The following PLEKHG1 variants were observed in gnomAD, a reference collection of about 807,000 sequenced individuals.
The protein encoded by PLEKHG1 is pleckstrin homology and RhoGEF domain containing G1, also known as pleckstrin homology domain-containing family G member 1.
Under a neutral mutation model 100.8 loss-of-function variants are expected in PLEKHG1, and 44 were observed. The ratio of observed to expected loss-of-function variants is 0.44; its 90% CI spans 0.34 to 0.56. The LOEUF (loss-of-function observed/expected upper bound fraction) is 0.56, where lower values mean the gene tolerates loss of function less well. PLEKHG1 is among the 20% of genes least tolerant of loss of function. The pLI is 0.01. For missense variants in PLEKHG1, 1,545 were observed against 1,720.9 expected, an observed-to-expected ratio of 0.90 and a Z score of 1.81; for synonymous variants, 640 against 662.5, an observed-to-expected ratio of 0.97 and a Z score of 0.52.
At chr6:150,724,564 T>TC (rs1781867266) in intron 1 of PLEKHG1, among the ~76,000 whole-genome samples, 1 of 146,390 alleles carries the variant, frequency 6.8e-6, no homozygotes. Flanking sequence ...TTTTCTTTTT[T>TC]TTTTTTTTTT....
intron 4 of PLEKHG1, among the ~76,000 whole-genome samples, chr6:150,787,252 A>G (rs1227722622): frequency 2.0e-5 from 3 of 152,158 alleles, no homozygotes; most frequent in Non-Finnish European, 4.4e-5. Context: ...GTACTCTTCC[A>G]CTGTTTTCTT....
chr6:150,747,311 T>C (rs1288079859), intron 2 of PLEKHG1, among the ~76,000 whole-genome samples: 2 of 152,338 alleles, frequency 1.3e-5, no homozygotes, highest in South Asian at 2.1e-4. Flanking sequence ...ACTGATCACA[T>C]TGAAGATTTA....
intron 2 of PLEKHG1, among the ~76,000 whole-genome samples, chr6:150,647,264 A>G (rs1010180053): frequency 6.6e-6 from 1 of 152,214 alleles, no homozygotes; most frequent in Admixed American, 6.5e-5. Flanking sequence ...TTTGTCCTGC[A>G]TATAAAAAGC....
chr6:150,608,764 G>T (rs1776705725), intron 1 of PLEKHG1, among the ~76,000 whole-genome samples: 1 of 152,194 alleles, frequency 6.6e-6, no homozygotes, highest in South Asian at 2.1e-4. Context: ...GTTTTTCTAA[G>T]ATCTGAATAC....
chr6:150,653,614 G>A (rs779720779), intron 3 of PLEKHG1, among the ~76,000 whole-genome samples: 2 of 152,096 alleles, frequency 1.3e-5, no homozygotes, highest in African/African-American at 2.4e-5. Context: ...AGCTGGACGT[G>A]GTGGTGAGCT....
intron 15 of PLEKHG1, among the ~76,000 whole-genome samples, chr6:150,834,983 C>A (rs909471040): frequency 1.3e-5 from 2 of 152,010 alleles, no homozygotes; most frequent in African/African-American, 4.8e-5. Flanking sequence ...CACAGGACGT[C>A]GTAATCGAAT....
intron 15 of PLEKHG1, among the ~76,000 whole-genome samples, chr6:150,837,590 A>G (rs1374426083): frequency 6.6e-6 from 1 of 152,252 alleles, no homozygotes; most frequent in Non-Finnish European, 1.5e-5. Flanking sequence ...AACCTTGTAG[A>G]AGTTCAGAGC....
intron 1 of PLEKHG1, among the ~76,000 whole-genome samples, chr6:150,610,183 C>T (rs925339487): frequency 6.6e-6 from 1 of 152,206 alleles, no homozygotes; most frequent in Non-Finnish European, 1.5e-5. Context: ...CTCACTGCAA[C>T]GTCTGCCTCC....
intron 1 of PLEKHG1, among the ~76,000 whole-genome samples, chr6:150,615,754 A>C (rs1777050932): frequency 1.3e-5 from 2 of 152,100 alleles, no homozygotes; most frequent in African/African-American, 4.8e-5. Flanking sequence ...AGAGGGGAGG[A>C]GGTGGTTAGG....
intron 1 of PLEKHG1, among the ~76,000 whole-genome samples, chr6:150,628,785 C>G (rs985389436): frequency 1.3e-5 from 2 of 152,064 alleles, no homozygotes; most frequent in Non-Finnish European, 2.9e-5. Flanking sequence ...GAATAAGAAC[C>G]TGTGTTGTAG....
Position 150,750,957 on chromosome 6 carries a change from A to C in PLEKHG1, c.411+16865A>C, listed in dbSNP as rs77120877. On this transcript the variant is annotated intron_variant, in intron 2 of 15. Transcript: ENST00000358517. ...AACTTTTCAATTTGTCAGTGTCTTC[A>C]TCTGTAACATGGGAATAATAGGATT... 9.2e-3 allele frequency among the ~76,000 whole-genome samples: 1,398 copies of C among 152,272 alleles called. 6 individuals carry two copies. Among genetic ancestry groups the C allele is most frequent in the Non-Finnish European group, 0.014 (926 of 68,014 alleles).
In PLEKHG1 at chr6:150,727,233, C is replaced by G. The variant is rs531688489; in HGVS notation, c.-99+6033C>G. Among the ~76,000 whole-genome samples the G allele has an allele frequency of 2.0e-5, 3 of 152,324 alleles. No homozygotes were observed. In the South Asian group the frequency reaches 6.2e-4, roughly 32 times the overall value. ...GAATTTGGAAACCCTGATCACCCCT[C>G]AATCCCTGCTGTGAGTAGAATTTCT... On this transcript the variant is annotated intron_variant, in intron 1 of 15. Coordinates refer to ENST00000358517, the Ensembl canonical transcript of PLEKHG1.
chr6:150,709,011 T>C (rs1781140740), intron 3 of PLEKHG1, among the ~76,000 whole-genome samples: 1 of 152,208 alleles, frequency 6.6e-6, no homozygotes, highest in Admixed American at 6.5e-5. Context: ...TGATAATAGT[T>C]AAGACATCTT....
At chr6:150,631,325 C>T (rs911346615) in intron 1 of PLEKHG1, among the ~76,000 whole-genome samples, 1 of 152,212 alleles carries the variant, frequency 6.6e-6, no homozygotes, top group Non-Finnish European at 1.5e-5. Context: ...CCATCCAGCA[C>T]CCTCCTCCCC....
At position 150,600,098 on chromosome 6, in the gene PLEKHG1, C is replaced by A; in HGVS notation, c.-204+81C>A. The stretch of plus-strand genomic sequence containing the variant: ...GACCCGGGGACCTCCGGCGGGAGCC[C>A]CACATCCGCAGGTGGGGCCGGGCGG... On this transcript the variant is annotated intron_variant, in intron 1 of 3. Transcript: ENST00000367326. The surrounding 1 kb of genome is among the most constrained non-coding windows in gnomAD (Gnocchi z 6.2). The A allele has an allele frequency of 5.8e-6, 1 of 171,510 alleles. No individual in the cohort carries two copies. The highest frequency in any genetic ancestry group is 8.2e-5 in the South Asian group (1 of 12,216). 10.6% of individuals were successfully genotyped at this position (171,510 alleles called of 1,614,324 possible). A position where few individuals can be genotyped will look rare whatever the true frequency, so the allele number is the denominator to read the frequency against.
At chr6:150,646,805 C>T (rs1456713103) in intron 2 of PLEKHG1, among the ~76,000 whole-genome samples, 1 of 152,150 alleles carries the variant, frequency 6.6e-6, no homozygotes, top group Admixed American at 6.5e-5. Flanking sequence ...TTTATATCCC[C>T]TCAAAAATAT....
intron 3 of PLEKHG1, among the ~76,000 whole-genome samples, chr6:150,781,532 C>T (rs1054158265): frequency 5.3e-5 from 8 of 151,482 alleles, no homozygotes; most frequent in African/African-American, 1.7e-4. Context: ...AAAAGAAAAT[C>T]AGTAAGATTA....
At chr6:150,635,742 T>C (rs1189078659) in intron 1 of PLEKHG1, among the ~76,000 whole-genome samples, 1 of 152,208 alleles carries the variant, frequency 6.6e-6, no homozygotes, top group African/African-American at 2.4e-5. Flanking sequence ...ATGTTCATGT[T>C]AATTATAAGC....
intron 14 of PLEKHG1, among the ~76,000 whole-genome samples, chr6:150,829,861 C>T (rs529828640): frequency 4.0e-5 from 6 of 151,882 alleles, no homozygotes; most frequent in Non-Finnish European, 7.4e-5. Flanking sequence ...AGTGTGTGGT[C>T]GGGTCAGCAG....
Sources: gnomAD v4.1 joint callset for allele counts (sites outside exome capture counted in the v4.1 genomes callset) on GRCh38, gnomAD v4.1.1 for gene constraint, Gnocchi (gnomAD v3.1) non-coding constraint, MANE v1.5 for transcripts, NCBI Gene and HGNC (gene_info 2026-07-23, HGNC 2026-07-21) for gene names.